Variants in FOXP2 observed in about 807,000 individuals in gnomAD.
FOXP2 encodes the protein forkhead box P2.
A neutral mutation model predicts 115.8 loss-of-function variants in FOXP2; 12 were observed. The ratio of observed to expected loss-of-function variants is 0.10; its 90% CI spans 0.07 to 0.17. The LOEUF (loss-of-function observed/expected upper bound fraction) is 0.17. Among genes scored for constraint, FOXP2 ranks in the 10% least tolerant of loss-of-function variants. The pLI, the probability that FOXP2 is intolerant of heterozygous loss-of-function variation, is 1.00. For synonymous variants in FOXP2, 328 were observed against 297.7 expected (o/e 1.10, Z -1.05); for missense variants, 629 against 843.5 (o/e 0.75, Z 3.15).
At chr7:114,119,214 C>T (rs1356218397) in intron 1 of FOXP2, among the ~76,000 whole-genome samples, 2 of 152,084 alleles carry the variant, frequency 1.3e-5, no homozygotes, top group Non-Finnish European at 2.9e-5. Flanking sequence ...TTCTAATATT[C>T]TATCAGAAGC....
chr7:114,102,396 T>C (rs903388494), intron 1 of FOXP2, among the ~76,000 whole-genome samples: 3 of 152,016 alleles, frequency 2.0e-5, no homozygotes, highest in African/African-American at 4.8e-5. Context: ...GTAAATGATA[T>C]AGGCTTTGTG....
chr7:114,517,405 A>C (rs1383437550), intron 2 of FOXP2, among the ~76,000 whole-genome samples: 1 of 152,146 alleles, frequency 6.6e-6, no homozygotes, highest in Non-Finnish European at 1.5e-5. Context: ...TCATATCCAA[A>C]TAATTCTTGC....
intron 3 of FOXP2, among the ~76,000 whole-genome samples, chr7:114,582,049 A>C (rs1282244232): frequency 1.3e-5 from 2 of 152,174 alleles, no homozygotes; most frequent in African/African-American, 4.8e-5. Context: ...CTTGAGACGA[A>C]AGCAAATTGA....
At chr7:114,440,705 A>G (rs184819506) in intron 2 of FOXP2, among the ~76,000 whole-genome samples, 3 of 152,330 alleles carry the variant, frequency 2.0e-5, no homozygotes, top group Admixed American at 2.0e-4. Context: ...TATTTAGTTC[A>G]GAAAACTCTG....
intron 3 of FOXP2, among the ~76,000 whole-genome samples, chr7:114,576,301 A>G (rs1187619694): frequency 6.6e-6 from 1 of 151,804 alleles, no homozygotes; most frequent in Non-Finnish European, 1.5e-5. Context: ...AATTATCTTT[A>G]CACGCCCCTC....
intron 2 of FOXP2, among the ~76,000 whole-genome samples, chr7:114,335,752 T>C (rs989088055): frequency 1.3e-5 from 2 of 151,834 alleles, no homozygotes; most frequent in Non-Finnish European, 3.0e-5. Flanking sequence ...TGTTAAATGG[T>C]GTGTGATTTC....
At chr7:114,439,587 G>C (rs575632180) in intron 2 of FOXP2, among the ~76,000 whole-genome samples, 6 of 151,718 alleles carry the variant, frequency 4.0e-5, no homozygotes, top group African/African-American at 7.3e-5. Context: ...TTTGACCCAG[G>C]CTGGATGGAG....
At chr7:114,316,346 G>A (rs1006022411) in intron 2 of FOXP2, among the ~76,000 whole-genome samples, 19 of 152,064 alleles carry the variant, frequency 1.2e-4, no homozygotes, top group Non-Finnish European at 1.8e-4. Flanking sequence ...TAATGTTCTC[G>A]ACCAGTTCAT....
At chr7:114,324,747 C>T (rs1168326617) in intron 2 of FOXP2, among the ~76,000 whole-genome samples, 5 of 151,770 alleles carry the variant, frequency 3.3e-5, no homozygotes, top group Admixed American at 2.0e-4. Context: ...GCTTAGGAAC[C>T]TTTTAATACG....
intron 1 of FOXP2, among the ~76,000 whole-genome samples, chr7:114,107,892 A>G (rs370733751): frequency 9.9e-4 from 150 of 152,068 alleles, no homozygotes; most frequent in African/African-American, 3.4e-3. Flanking sequence ...TTGGGATTCC[A>G]TTGTACTTAC....
chr7:114,389,481 G>T (rs943942185), intron 2 of FOXP2, among the ~76,000 whole-genome samples: 2 of 152,198 alleles, frequency 1.3e-5, no homozygotes, highest in African/African-American at 2.4e-5. Context: ...GTAAAACTGA[G>T]AGTGCTAAGT....
intron 2 of FOXP2, among the ~76,000 whole-genome samples, chr7:114,398,016 C>G (rs977924182): frequency 6.6e-6 from 1 of 150,982 alleles, no homozygotes; most frequent in African/African-American, 2.4e-5. Flanking sequence ...TTGAGAAATT[C>G]GATGGAGAGT....
At chr7:114,391,563 C>T (rs1273576174) in intron 2 of FOXP2, among the ~76,000 whole-genome samples, 1 of 152,170 alleles carries the variant, frequency 6.6e-6, no homozygotes, top group Non-Finnish European at 1.5e-5. Context: ...ATGGTGTCTG[C>T]AGAAACTGCC....
At chr7:114,218,366 G>T (rs1022833386) in intron 1 of FOXP2, among the ~76,000 whole-genome samples, 10 of 152,196 alleles carry the variant, frequency 6.6e-5, no homozygotes, top group Admixed American at 1.3e-4. Flanking sequence ...GTGGCCCTCA[G>T]CTTTACCCCC....
chr7:114,410,641 T>G (rs1793140406), upstream of FOXP2, among the ~76,000 whole-genome samples: 1 of 152,134 alleles, frequency 6.6e-6, no homozygotes, highest in Non-Finnish European at 1.5e-5. Context: ...TGGCAGTGCA[T>G]GTGAGATTGA....
intron 16 of FOXP2, among the ~76,000 whole-genome samples, chr7:114,673,451 G>A (rs1052188568): frequency 3.3e-5 from 5 of 152,116 alleles, no homozygotes; most frequent in Non-Finnish European, 5.9e-5. Context: ...AAATCCTGAA[G>A]AATTACATTG....
chr7:114,370,596 T>C (rs11505922), intron 2 of FOXP2, among the ~76,000 whole-genome samples: 69,399 of 151,972 alleles, frequency 0.46, 16,322 homozygotes, highest in Non-Finnish European at 0.49. Flanking sequence ...TGGACATTCT[T>C]ACTAGGTCTC....
intron 1 of FOXP2, among the ~76,000 whole-genome samples, chr7:114,217,140 A>G (rs1394364943): frequency 6.6e-6 from 1 of 152,206 alleles, no homozygotes; most frequent in African/African-American, 2.4e-5. Flanking sequence ...CTTGGAATTA[A>G]CAAAAAAGGA....
At chr7:114,623,939 T>G (rs1002766145) in intron 3 of FOXP2, among the ~76,000 whole-genome samples, 3 of 151,878 alleles carry the variant, frequency 2.0e-5, no homozygotes, top group Non-Finnish European at 2.9e-5. Flanking sequence ...CTTTAAATAC[T>G]CCTGTTCAGT....
Sources: gnomAD v4.1 joint callset for allele counts (sites outside exome capture counted in the v4.1 genomes callset) on GRCh38, gnomAD v4.1.1 for gene constraint, MANE v1.5 for transcripts, NCBI Gene and HGNC (gene_info 2026-07-23, HGNC 2026-07-21) for gene names.